Variants in FAM120B observed in about 807,000 individuals in gnomAD.
FAM120B encodes the protein family with sequence similarity 120 member B.
A neutral mutation model predicts 96.3 loss-of-function variants in FAM120B; 83 were observed. The ratio of observed to expected loss-of-function variants is 0.86; its 90% confidence interval spans 0.72 to 1.03. The LOEUF is 1.03. Ranked by LOEUF, FAM120B falls within the 50% of genes least tolerant of loss-of-function variation. The pLI is 0.00. For synonymous variants in FAM120B, 407 were observed against 402.7 expected (o/e 1.01, Z -0.13); for missense variants, 1,027 against 1,121.2 (o/e 0.92, Z 1.20).
chr6:170,374,162 G>A (rs1789372779), intron 6 of FAM120B, among the ~76,000 whole-genome samples: 2 of 152,230 alleles, frequency 1.3e-5, no homozygotes, highest in Non-Finnish European at 2.9e-5. Flanking sequence ...CGCGCAGTAA[G>A]TTCTCTGACT....
chr6:170,296,397 G>T (rs1158556241), intron 1 of FAM120B, among the ~76,000 whole-genome samples: 1 of 152,110 alleles, frequency 6.6e-6, no homozygotes, highest in African/African-American at 2.4e-5. Flanking sequence ...AAAGCGCGAG[G>T]GCACAGGCGG....
chr6:170,357,226 G>A (rs1303418025), intron 5 of FAM120B, among the ~76,000 whole-genome samples: 1 of 152,086 alleles, frequency 6.6e-6, no homozygotes, highest in Non-Finnish European at 1.5e-5. Context: ...TTAGGATGCT[G>A]TGGAGTCGTT....
chr6:170,381,142 A>T (rs1789875874), intron 6 of FAM120B, among the ~76,000 whole-genome samples: 1 of 152,198 alleles, frequency 6.6e-6, no homozygotes, highest in African/African-American at 2.4e-5. Flanking sequence ...GGAACCACTT[A>T]TGCTCTGATG....
rs1046285834 is a variant in FAM120B at position 170,406,915 on chromosome 6, T to G, written c.*2164T>G. 1 of 152,224 alleles carries G rather than the reference T, an allele frequency of 6.6e-6. No homozygotes were observed. The highest frequency in any genetic ancestry group is 1.5e-5 in the Non-Finnish European group (1 of 68,040). The allele number at this position is 152,224 out of a possible 1,614,324, so 9.4% of individuals were successfully genotyped here. A position where few individuals can be genotyped will look rare whatever the true frequency, so the allele number is the denominator to read the frequency against. ...GTTAACAAGCTCTTATTTAAGCCATTGAGTTAGTATAATCTTTATTACCTT... is the reference window on the plus strand; with the variant it reads ...GTTAACAAGCTCTTATTTAAGCCATGGAGTTAGTATAATCTTTATTACCTT... On this transcript the variant is annotated 3_prime_UTR_variant, in exon 11 of 11. Coordinates refer to ENST00000476287, the MANE Select transcript of FAM120B (RefSeq NM_032448.3).
chr6:170,404,251 A>G (rs1212451345), intron 9 of FAM120B: 1 of 318,582 alleles, frequency 3.1e-6, no homozygotes, highest in Non-Finnish European at 5.7e-6. Context: ...TTCCATTTCC[A>G]AAAGTCGTCA....
intron 6 of FAM120B, among the ~76,000 whole-genome samples, chr6:170,365,707 C>T (rs1788739374): frequency 6.6e-6 from 1 of 151,022 alleles, no homozygotes; most frequent in South Asian, 2.1e-4. Context: ...ACACACACAC[C>T]CCTCCCTCCC....
intron 1 of FAM120B, among the ~76,000 whole-genome samples, chr6:170,312,812 C>T (rs1043569730): frequency 6.6e-6 from 1 of 152,176 alleles, no homozygotes; most frequent in Non-Finnish European, 1.5e-5. Context: ...ACAGTGAAGA[C>T]AGCTGGGGAT....
chr6:170,344,793 T>C (rs139921819), intron 4 of FAM120B, among the ~76,000 whole-genome samples: 1,797 of 152,346 alleles, frequency 0.012, 13 homozygotes, highest in Non-Finnish European at 0.018. Context: ...TCCTCCTGCA[T>C]AGCAGACTTG....
intron 6 of FAM120B, among the ~76,000 whole-genome samples, chr6:170,379,407 A>G (rs1789774218): frequency 6.6e-6 from 1 of 152,244 alleles, no homozygotes; most frequent in East Asian, 1.9e-4. Flanking sequence ...CAGTTTTTAC[A>G]GGTTGAGTAT....
At chr6:170,384,718 C>G (rs1790097183) in intron 6 of FAM120B, among the ~76,000 whole-genome samples, 1 of 152,240 alleles carries the variant, frequency 6.6e-6, no homozygotes, top group Non-Finnish European at 1.5e-5. Flanking sequence ...GGTCCACAAA[C>G]TGTAGCCAGT....
At chr6:170,387,963 T>A (rs915971507) in intron 6 of FAM120B, among the ~76,000 whole-genome samples, 1 of 152,196 alleles carries the variant, frequency 6.6e-6, no homozygotes, top group Non-Finnish European at 1.5e-5. Context: ...TAGAGGTTCC[T>A]GGGAGGCAAG....
chr6:170,401,498 G>A (rs1368894080), intron 9 of FAM120B, among the ~76,000 whole-genome samples: 1 of 152,168 alleles, frequency 6.6e-6, no homozygotes, highest in African/African-American at 2.4e-5. Flanking sequence ...GAGGATAGAA[G>A]CTGACAGAAA....
intron 9 of FAM120B, among the ~76,000 whole-genome samples, chr6:170,399,272 C>G (rs1778397888): frequency 6.9e-6 from 1 of 145,676 alleles, no homozygotes; most frequent in South Asian, 2.2e-4. Context: ...TATGTCATAA[C>G]TCTTAGTAGT....
At chr6:170,319,559 T>C (rs1348981696) in intron 2 of FAM120B, among the ~76,000 whole-genome samples, 1 of 152,102 alleles carries the variant, frequency 6.6e-6, no homozygotes, top group South Asian at 2.1e-4. Context: ...TCCCAGCTAC[T>C]CGGGAGGCTG....
chr6:170,399,277 A>C (rs1778398713), intron 9 of FAM120B, among the ~76,000 whole-genome samples: 1 of 146,474 alleles, frequency 6.8e-6, no homozygotes, highest in South Asian at 2.1e-4. Flanking sequence ...CATAACTCTT[A>C]GTAGTGAGTG....
chr6:170,321,019 G>A (rs955100689), intron 2 of FAM120B, among the ~76,000 whole-genome samples: 2 of 152,210 alleles, frequency 1.3e-5, no homozygotes, highest in African/African-American at 2.4e-5. Flanking sequence ...AGGCAAAGCC[G>A]ACAGGGAGTT....
chr6:170,398,023 G>C (rs1207667769), intron 9 of FAM120B, among the ~76,000 whole-genome samples: 1 of 152,252 alleles, frequency 6.6e-6, no homozygotes, highest in Non-Finnish European at 1.5e-5. Context: ...CCTCAGGAAG[G>C]TGGAGAGGGG....
At chr6:170,366,680 G>C (rs982137769) in intron 6 of FAM120B, among the ~76,000 whole-genome samples, 6 of 152,228 alleles carry the variant, frequency 3.9e-5, no homozygotes, top group African/African-American at 7.2e-5. Flanking sequence ...AAGGCTTAGA[G>C]GGTGAAAGAC....
At chr6:170,330,597 T>C (rs765296968) in intron 4 of FAM120B, 47 bp downstream of exon 4, 20 of 1,405,154 alleles carry the variant, frequency 1.4e-5, no homozygotes, top group Admixed American at 1.7e-5. Flanking sequence ...TTCCATTCTA[T>C]GATAAAAGTC....
Sources: gnomAD v4.1 joint callset for allele counts (sites outside exome capture counted in the v4.1 genomes callset) on GRCh38, gnomAD v4.1.1 for gene constraint, MANE v1.5 for transcripts, NCBI Gene and HGNC (gene_info 2026-07-23, HGNC 2026-07-21) for gene names.